Variants in SPATA17 observed in about 807,000 individuals in gnomAD.
SPATA17 encodes spermatogenesis-associated protein 17.
SPATA17 carries 53 observed loss-of-function variants against 62.2 expected under a neutral mutation model. The ratio of observed to expected loss-of-function variants is 0.85; its 90% CI spans 0.68 to 1.07. SPATA17 has a LOEUF of 1.07. Among genes scored for constraint, SPATA17 ranks in the 50% least tolerant of loss-of-function variants. The pLI is 0.00. For synonymous variants in SPATA17, 146 were observed against 146.8 expected, an observed-to-expected ratio of 0.99 and a Z score of 0.04; for missense variants, 466 against 425.5, an observed-to-expected ratio of 1.10 and a Z score of -0.84.
intron 3 of SPATA17, among the ~76,000 whole-genome samples, chr1:217,659,483 A>C (rs1670518887): frequency 6.6e-6 from 1 of 152,128 alleles, no homozygotes; most frequent in Non-Finnish European, 1.5e-5. Flanking sequence ...TTTTTACTTA[A>C]AAATAGTTTT....
At chr1:217,714,488 C>CTTCTTTTTTTTT (rs1671952359) in intron 5 of SPATA17, among the ~76,000 whole-genome samples, 1 of 121,432 alleles carries the variant, frequency 8.2e-6, no homozygotes, top group African/African-American at 3.3e-5. Flanking sequence ...AAACGTGTTT[C>CTTCTTTTTTTTT]TTTTTTTTTT....
intron 1 of SPATA17, 148 bp downstream of exon 1, chr1:217,631,594 T>C: frequency 1.3e-6 from 1 of 777,272 alleles, no homozygotes; most frequent in South Asian, 1.8e-5. Context: ...GCAAACATAA[T>C]TGGGAGTTTC....
chr1:217,709,761 C>T (rs938428266), intron 5 of SPATA17, among the ~76,000 whole-genome samples: 1 of 152,166 alleles, frequency 6.6e-6, no homozygotes, highest in Non-Finnish European at 1.5e-5. Flanking sequence ...ATTTCAAAAA[C>T]CATGTTGATT....
intron 7 of SPATA17, among the ~76,000 whole-genome samples, chr1:217,775,613 A>G (rs1004674397): frequency 6.6e-6 from 1 of 152,024 alleles, no homozygotes. Context: ...GAGGCAGGAG[A>G]ATCACTTGAA....
intron 3 of SPATA17, among the ~76,000 whole-genome samples, chr1:217,652,417 A>G (rs909321151): frequency 5.9e-5 from 9 of 152,060 alleles, no homozygotes; most frequent in African/African-American, 1.9e-4. Flanking sequence ...TGTTTTTAGT[A>G]GAGACAGGGT....
chr1:217,646,536 A>G (rs1670185255), intron 1 of SPATA17, among the ~76,000 whole-genome samples: 1 of 151,836 alleles, frequency 6.6e-6, no homozygotes, highest in East Asian at 1.9e-4. Context: ...CTTCCATTTT[A>G]CTTTCCCTTT....
At chr1:217,861,304 C>A (rs1267088498) in intron 9 of SPATA17, among the ~76,000 whole-genome samples, 3 of 151,228 alleles carry the variant, frequency 2.0e-5, no homozygotes, top group Non-Finnish European at 4.4e-5. Context: ...GAATTTCTAA[C>A]CCATATCATT....
chr1:217,718,532 C>T (rs1159026528), intron 5 of SPATA17, among the ~76,000 whole-genome samples: 1 of 152,236 alleles, frequency 6.6e-6, no homozygotes, highest in Middle Eastern at 3.4e-3. Flanking sequence ...GATAGTGACC[C>T]AGGAACCTGA....
chr1:217,734,571 A>G lies in SPATA17; in HGVS notation c.396-7404A>G, dbSNP rs141187959. 1.4e-3 allele frequency among the ~76,000 whole-genome samples: 210 copies of G among 152,314 alleles called. 2 individuals are homozygous for G. Among genetic ancestry groups the G allele is most frequent in the Middle Eastern group, 0.014 (4 of 294 alleles). On this transcript the variant is annotated intron_variant, in intron 5 of 10. Coordinates refer to ENST00000366933, the MANE Select transcript of SPATA17 (RefSeq NM_138796.4). ...ACTTTACTTGCCATGAAAACAGAAT[A>G]AGGACAGTAAAAAGTTGTTTAAATC...
intron 9 of SPATA17, among the ~76,000 whole-genome samples, chr1:217,855,399 T>C (rs1399259239): frequency 1.3e-5 from 2 of 152,206 alleles, no homozygotes; most frequent in African/African-American, 4.8e-5. Context: ...TCTAGTTAGA[T>C]GTTCAATTTC....
chr1:217,808,484 T>C (rs1227657967), intron 9 of SPATA17, among the ~76,000 whole-genome samples: 1 of 152,180 alleles, frequency 6.6e-6, no homozygotes, highest in Non-Finnish European at 1.5e-5. Context: ...CTAATGATTC[T>C]ATTAATAGTC....
chr1:217,683,582 G>T (rs1394546534), intron 5 of SPATA17, among the ~76,000 whole-genome samples: 1 of 152,054 alleles, frequency 6.6e-6, no homozygotes, highest in African/African-American at 2.4e-5. Context: ...GGGATAACAG[G>T]CGCCCGCCAC....
At chr1:217,660,323 T>C (rs994950248) in intron 3 of SPATA17, among the ~76,000 whole-genome samples, 2 of 152,198 alleles carry the variant, frequency 1.3e-5, no homozygotes, top group African/African-American at 4.8e-5. Flanking sequence ...TCTCATTTGA[T>C]TGGAAGCTCC....
chr1:217,723,123 C>T (rs1672179025), intron 5 of SPATA17, among the ~76,000 whole-genome samples: 1 of 152,118 alleles, frequency 6.6e-6, no homozygotes, highest in Admixed American at 6.5e-5. Context: ...GTCCACAGTC[C>T]ATGTAATACT....
intron 9 of SPATA17, among the ~76,000 whole-genome samples, chr1:217,844,342 TG>T (rs1675477511): frequency 6.6e-6 from 1 of 152,104 alleles, no homozygotes. Flanking sequence ...GTTACAGGAT[TG>T]CCAGTTGCAT....
intron 5 of SPATA17, among the ~76,000 whole-genome samples, chr1:217,683,657 G>C (rs1159807165): frequency 6.6e-6 from 1 of 152,060 alleles, no homozygotes; most frequent in Non-Finnish European, 1.5e-5. Context: ...GGCCAGGCTG[G>C]TCTCGAACTC....
At chr1:217,660,984 T>C (rs1480178626) in intron 3 of SPATA17, among the ~76,000 whole-genome samples, 1 of 152,182 alleles carries the variant, frequency 6.6e-6, no homozygotes, top group African/African-American at 2.4e-5. Context: ...TGTGGTGGTA[T>C]CTTGTAAGGC....
intron 5 of SPATA17, among the ~76,000 whole-genome samples, chr1:217,706,157 T>C (rs921910091): frequency 2.0e-5 from 3 of 152,230 alleles, no homozygotes; most frequent in African/African-American, 7.2e-5. Context: ...CTGCTAGCTT[T>C]GTTCTTTTTA....
At chr1:217,842,702 T>A (rs1340618846) in intron 9 of SPATA17, among the ~76,000 whole-genome samples, 1 of 151,998 alleles carries the variant, frequency 6.6e-6, no homozygotes, top group African/African-American at 2.4e-5. Flanking sequence ...TTCATCAATC[T>A]AGAAAACTGA....
Sources: gnomAD v4.1 joint callset for allele counts (sites outside exome capture counted in the v4.1 genomes callset) on GRCh38, gnomAD v4.1.1 for gene constraint, MANE v1.5 for transcripts, NCBI Gene and HGNC (gene_info 2026-07-23, HGNC 2026-07-21) for gene names.